Variants in ARHGEF10 observed in about 807,000 individuals in gnomAD.
The protein encoded by ARHGEF10 is Rho guanine nucleotide exchange factor (GEF) 10.
A neutral mutation model predicts 147.4 loss-of-function variants in ARHGEF10; 140 were observed. That is an observed-to-expected ratio of 0.95 (90% CI 0.83 to 1.09). ARHGEF10 has a LOEUF of 1.09. Among genes scored for constraint, ARHGEF10 ranks in the 50% least tolerant of loss-of-function variants. ARHGEF10 has a pLI of 0.00. For synonymous variants in ARHGEF10, 902 were observed against 695.8 expected (o/e 1.30, Z -4.67); for missense variants, 2,222 against 1,752.7 (o/e 1.27, Z -4.78).
chr8:1,829,695 T>C (rs889870079), intron 1 of ARHGEF10, among the ~76,000 whole-genome samples: 27 of 152,294 alleles, frequency 1.8e-4, no homozygotes, highest in Admixed American at 4.6e-4. Context: ...TCCTGTGTTA[T>C]GTAGAATAGG....
At chr8:1,921,801 TG>T (rs1812312129) in intron 18 of ARHGEF10, among the ~76,000 whole-genome samples, 1 of 152,142 alleles carries the variant, frequency 6.6e-6, no homozygotes, top group Non-Finnish European at 1.5e-5. Flanking sequence ...GACCAAGTTC[TG>T]GGCCCTGTAA....
chr8:1,922,934 T>C lies in ARHGEF10; in HGVS notation c.2144-30T>C, dbSNP rs748712484. ...AGTAAATATGGCTTTACCTTTGTAT[T>C]CTTTTTTTTTCTTTTTGCTTATTTT... On this transcript the variant is annotated intron_variant, in intron 18 of 28. Coordinates refer to ENST00000349830, the MANE Select transcript of ARHGEF10 (RefSeq NM_014629.4). 1.2e-5 allele frequency: 18 copies of C among 1,468,568 alleles called. No individual in the cohort carries two copies. In the Admixed American group the frequency reaches 2.8e-4, roughly 23 times the overall value. The allele number at this position is 1,468,568 out of a possible 1,614,324, so 91.0% of individuals were successfully genotyped here. A position where few individuals can be genotyped will look rare whatever the true frequency, so the allele number is the denominator to read the frequency against.
chr8:1,831,219 GCCGTGGAGGGACAGTGTGACAT>G (rs879554280), intron 1 of ARHGEF10, among the ~76,000 whole-genome samples: 2,058 of 151,612 alleles, frequency 0.014, 82 homozygotes, highest in East Asian at 0.091. Flanking sequence ...GTGTGTGGCA[GCCGTGGAGGGACAGTGTGACAT>G]CCGTGGAGGG....
intron 18 of ARHGEF10, among the ~76,000 whole-genome samples, chr8:1,919,971 CTGTGGGTGATGAG>C (rs1563286127): frequency 2.2e-4 from 32 of 148,148 alleles, no homozygotes; most frequent in South Asian, 4.2e-4. Context: ...TGGAGCTGTT[CTGTGGGTGATGAG>C]CTGTTCTGTC....
intron 11 of ARHGEF10, among the ~76,000 whole-genome samples, chr8:1,891,632 C>T (rs1809535904): frequency 6.6e-6 from 1 of 152,088 alleles, no homozygotes; most frequent in Non-Finnish European, 1.5e-5. Context: ...TCCAGTTGCC[C>T]CATGACCTTC....
intron 27 of ARHGEF10, among the ~76,000 whole-genome samples, chr8:1,951,240 C>G (rs765804339): frequency 6.6e-6 from 1 of 152,258 alleles, no homozygotes; most frequent in African/African-American, 2.4e-5. Context: ...TGTTGTAGAG[C>G]GGTCAGCACT....
At chr8:1,891,667 G>A (rs1310942347) in intron 11 of ARHGEF10, among the ~76,000 whole-genome samples, 1 of 152,116 alleles carries the variant, frequency 6.6e-6, no homozygotes, top group South Asian at 2.1e-4. Flanking sequence ...CCCTGTGGGG[G>A]CTGCATTCAG....
intron 18 of ARHGEF10, among the ~76,000 whole-genome samples, chr8:1,914,859 C>G (rs2129193457): frequency 6.6e-6 from 1 of 152,308 alleles, no homozygotes; most frequent in East Asian, 1.9e-4. Context: ...AGCAAACACA[C>G]CACCTGGCCA....
intron 18 of ARHGEF10, among the ~76,000 whole-genome samples, chr8:1,914,536 C>G (rs1218589559): frequency 6.6e-6 from 1 of 152,260 alleles, no homozygotes; most frequent in Non-Finnish European, 1.5e-5. Context: ...GTTCTTGCTC[C>G]TTATGCCTGT....
chr8:1,854,262 G>A (rs1368687209), intron 2 of ARHGEF10, among the ~76,000 whole-genome samples: 1 of 152,118 alleles, frequency 6.6e-6, no homozygotes, highest in Non-Finnish European at 1.5e-5. Flanking sequence ...CATCGATGGA[G>A]GCCCCCTTGG....
intron 1 of ARHGEF10, among the ~76,000 whole-genome samples, chr8:1,833,901 C>T (rs1663555263): frequency 6.6e-6 from 1 of 152,216 alleles, no homozygotes; most frequent in South Asian, 2.1e-4. Context: ...GTACGGCACA[C>T]AGCATTGTTG....
intron 20 of ARHGEF10, 48 bp downstream of exon 20, chr8:1,923,643 A>G: frequency 6.2e-7 from 1 of 1,614,118 alleles, no homozygotes; most frequent in South Asian, 1.1e-5. Flanking sequence ...TGCTGGGGAG[A>G]AAATGGTTCT....
In ARHGEF10 at chr8:1,832,909, C is replaced by G. The variant is rs201785603; in HGVS notation, c.-48+8796C>G. ...AGAGGCAGACGCAGAGACAGAGAGA[C>G]AGACAGAGGCAGAGACAGAGGCAGA... On this transcript the variant is annotated intron_variant, in intron 1 of 28. Transcript: ENST00000349830. 2.5e-4 allele frequency among the ~76,000 whole-genome samples: 10 copies of G among 39,320 alleles called. 1 individual carries two copies. The highest frequency in any genetic ancestry group is 1.3e-3 in the East Asian group (2 of 1,574). 25.8% of individuals were successfully genotyped at this position (39,320 alleles called of 152,430 possible).
chr8:1,871,737 A>T (rs1254717217), intron 7 of ARHGEF10, among the ~76,000 whole-genome samples: 2 of 152,176 alleles, frequency 1.3e-5, no homozygotes, highest in Non-Finnish European at 2.9e-5. Context: ...GAATTACTTG[A>T]ACCCGGGAGG....
At chr8:1,824,383 G>A (rs1234852299) in intron 1 of ARHGEF10, among the ~76,000 whole-genome samples, 1 of 152,124 alleles carries the variant, frequency 6.6e-6, no homozygotes, top group Non-Finnish European at 1.5e-5. Context: ...TGGCCCCAGG[G>A]GCAGGAGCGA....
intron 2 of ARHGEF10, among the ~76,000 whole-genome samples, chr8:1,846,242 G>A (rs1266220954): frequency 6.6e-6 from 1 of 152,252 alleles, no homozygotes; most frequent in Non-Finnish European, 1.5e-5. Flanking sequence ...CATGACCTTG[G>A]TCTTTGATAC....
Position 1,843,356 on chromosome 8 carries a change from C to G in ARHGEF10, c.-44C>G, listed in dbSNP as rs781151405. ...GCAGTGTCTCTCCTTCTTGCAGGAG[C>G]TCCTTCCCTTAACAGAGCTGAGAGA... On this transcript the variant is annotated 5_prime_UTR_variant, in exon 2 of 29. Coordinates refer to ENST00000349830, the MANE Select transcript of ARHGEF10 (RefSeq NM_014629.4). The G allele has an allele frequency of 5.4e-5, 87 of 1,611,742 alleles. No homozygotes were observed. Among genetic ancestry groups the G allele is most frequent in the Non-Finnish European group, 7.3e-5 (86 of 1,179,702 alleles).
chr8:1,908,376 A>G (rs576746808), intron 17 of ARHGEF10, among the ~76,000 whole-genome samples: 2,498 of 151,734 alleles, frequency 0.016, 60 homozygotes, highest in African/African-American at 0.047. Flanking sequence ...GACTACAGGC[A>G]CCCACCACCA....
intron 1 of ARHGEF10, among the ~76,000 whole-genome samples, chr8:1,832,961 C>CAGAGAGAGACAGAG (rs1264453822): frequency 2.4e-5 from 1 of 42,420 alleles, no homozygotes; most frequent in Non-Finnish European, 4.5e-5. Context: ...GAGGCAGAGG[C>CAGAGAGAGACAGAG]AGATACAGAG....
Sources: gnomAD v4.1 joint callset for allele counts (sites outside exome capture counted in the v4.1 genomes callset) on GRCh38, gnomAD v4.1.1 for gene constraint, MANE v1.5 for transcripts, NCBI Gene and HGNC (gene_info 2026-07-23, HGNC 2026-07-21) for gene names.